The following IGSF9B variants were observed in gnomAD, a reference collection of about 807,000 sequenced individuals.
The protein encoded by IGSF9B is immunoglobulin superfamily member 9B.
IGSF9B carries 48 observed loss-of-function variants against 143.7 expected under a neutral mutation model. The observed-to-expected ratio is 0.33, with a 90% CI of 0.26 to 0.42. IGSF9B has a LOEUF of 0.42. Ranked by LOEUF, IGSF9B falls within the 20% of genes least tolerant of loss-of-function variation. The pLI, the probability that IGSF9B is intolerant of heterozygous loss-of-function variation, is 1.00. For synonymous variants in IGSF9B, 903 were observed against 833.1 expected (o/e 1.08, Z -1.44); for missense variants, 1,706 against 1,980.0 (o/e 0.86, Z 2.63).
chr11:133,936,430 C>T (rs957054667), intron 5 of IGSF9B, among the ~76,000 whole-genome samples: 2 of 152,054 alleles, frequency 1.3e-5, no homozygotes, highest in Non-Finnish European at 2.9e-5. Flanking sequence ...TGCCTGCCTT[C>T]TCCCAGCAGA....
Position 133,931,448 on chromosome 11 carries a change from G to A in IGSF9B, c.1368+5C>T, listed in dbSNP as rs752608935. ...TGCAGACCCAGGGCTCCAGGGCCCAGGTACCTTTCTCCAAGTGATGACAGG... is the reference window on the plus strand; with the variant it reads ...TGCAGACCCAGGGCTCCAGGGCCCAAGTACCTTTCTCCAAGTGATGACAGG... On this transcript the variant is annotated splice_donor_5th_base_variant and intron_variant, in intron 10 of 19. Coordinates refer to ENST00000533871, the MANE Select transcript of IGSF9B (RefSeq NM_001277285.4). The surrounding 1 kb of genome is among the most constrained non-coding windows in gnomAD (Gnocchi z 7.7). The A allele has an allele frequency of 4.4e-6, 7 of 1,604,092 alleles. No homozygotes were observed. The highest frequency in any genetic ancestry group is 1.7e-4 in the Middle Eastern group (1 of 6,032).
intron 18 of IGSF9B, among the ~76,000 whole-genome samples, chr11:133,912,982 A>T (rs946459994): frequency 5.3e-5 from 8 of 152,172 alleles, no homozygotes; most frequent in African/African-American, 1.9e-4. Context: ...TATTGGAGAG[A>T]ATCTTTCAAG....
Position 133,939,711 on chromosome 11 carries a change from C to T in IGSF9B, c.410-1750G>A, listed in dbSNP as rs1006098285. Among the ~76,000 whole-genome samples, 17 of 152,150 alleles carry T rather than the reference C, an allele frequency of 1.1e-4. 1 individual carries two copies. In the East Asian group the frequency reaches 2.3e-3, roughly 21 times the overall value. On this transcript the variant is annotated intron_variant, in intron 3 of 19. Transcript: ENST00000533871. ...GCCACTGAATGAATGCAGGAGCACA[C>T]GTCATCACATGCAAAAACACGCACC... is the stretch of plus-strand genomic sequence containing the variant.
intron 1 of IGSF9B, among the ~76,000 whole-genome samples, chr11:133,951,397 A>G (rs1362543019): frequency 6.6e-6 from 1 of 152,114 alleles, no homozygotes; most frequent in Non-Finnish European, 1.5e-5. Context: ...TTCGGAAGCC[A>G]CGGGTCAGGG....
Position 133,956,941 on chromosome 11 carries a change from C to A in IGSF9B, c.-187G>T. 2.6e-6 allele frequency: 1 copy of A among 382,234 alleles called. No individual in the cohort carries two copies. Among genetic ancestry groups the A allele is most frequent in the Non-Finnish European group, 4.7e-6 (1 of 213,444 alleles). The allele number at this position is 382,234 out of a possible 1,614,324, so 23.7% of individuals were successfully genotyped here. On this transcript the variant is annotated 5_prime_UTR_variant, in exon 1 of 20. Transcript: ENST00000533871. Reference sequence around the variant, plus strand: ...TCCGCTCGGCTCGGCGCGCGCCTCCCCGGCCCCGGCGCAGCGGCACCTGCA... The same window carrying A: ...TCCGCTCGGCTCGGCGCGCGCCTCCACGGCCCCGGCGCAGCGGCACCTGCA...
At chr11:133,936,256 C>A (rs1939821166) in intron 5 of IGSF9B, 62 bp from the exon 6 acceptor site, 2 of 1,508,066 alleles carry the variant, frequency 1.3e-6, no homozygotes, top group African/African-American at 1.4e-5. Flanking sequence ...GCACCCAGGC[C>A]TCCTGGGAGC....
intron 7 of IGSF9B, 105 bp from the exon 8 acceptor site, chr11:133,932,318 AG>A: frequency 8.1e-7 from 1 of 1,241,048 alleles, no homozygotes; most frequent in Middle Eastern, 2.7e-4. Flanking sequence ...GACACAGGGA[AG>A]CCAGGTGGGA....
rs201329176 is a variant in IGSF9B at position 133,920,070 on chromosome 11, C to G, written c.3655G>C (p.Ala1219Pro). The G allele has an allele frequency of 3.2e-6, 5 of 1,540,600 alleles. No individual in the cohort carries two copies. Among genetic ancestry groups the G allele is most frequent in the South Asian group, 1.2e-5 (1 of 80,128 alleles). The change falls in exon 18 of 20, where the codon GCC becomes CCC. Residue 1219 changes from alanine to proline, a missense_variant. Ala to Pro is a conservative substitution (Grantham distance 27, BLOSUM62 -1). Transcript: ENST00000533871. Reference protein sequence around the residue: ...LSSRTGSPELAARARPRPGLL... With the variant: ...LSSRTGSPELPARARPRPGLL... ...CCCGGGCGAGGCCGGGCACGGGCGG[C>G]GAGCTCAGGGGAGCCGGTGCGGGAG... is the stretch of plus-strand genomic sequence containing the variant.
At chr11:133,940,742 A>G (rs922472231) in intron 3 of IGSF9B, among the ~76,000 whole-genome samples, 2 of 151,556 alleles carry the variant, frequency 1.3e-5, no homozygotes, top group Non-Finnish European at 2.9e-5. Flanking sequence ...ATACAGAAAC[A>G]TACACCTTGC....
intron 3 of IGSF9B, among the ~76,000 whole-genome samples, chr11:133,941,935 C>A (rs1298591532): frequency 6.6e-6 from 1 of 152,182 alleles, no homozygotes; most frequent in African/African-American, 2.4e-5. Context: ...CTCCCAAAGC[C>A]ATATGGCAGT....
Position 133,909,092 on chromosome 11 carries a change from G to A in IGSF9B, c.4291C>T (p.Pro1431Ser), listed in dbSNP as rs1193882499. ...AILNSVDHDD[P>S]GHATLL ...AGTCACAGCAAAGTGGCATGTCCTGGGTCATCGTGGTCCACACTGTTGAGA... is the reference window on the plus strand; with the variant it reads ...AGTCACAGCAAAGTGGCATGTCCTGAGTCATCGTGGTCCACACTGTTGAGA... Residue 1431 changes from proline to serine, a missense_variant, in exon 20 of 20, where the codon CCA (proline) becomes TCA (serine). This residue lies in a region of IGSF9B where 12 missense variants were observed against 29.6 expected (regional missense o/e 0.41). Coordinates refer to ENST00000533871, the MANE Select transcript of IGSF9B (RefSeq NM_001277285.4). This position sits in a 1 kb window ranked among gnomAD's most constrained non-coding sequence, Gnocchi z 4.2. 16 of 1,535,894 alleles carry A rather than the reference G, an allele frequency of 1.0e-5. No homozygotes were observed. In the Admixed American group the frequency reaches 2.7e-4, roughly 26 times the overall value.
At position 133,903,677 on chromosome 11, in the gene IGSF9B, T is replaced by G. The variant is rs1279156858; in HGVS notation, c.*5392A>C. Among the ~76,000 whole-genome samples, 5 of 152,190 alleles carry G rather than the reference T, an allele frequency of 3.3e-5. No homozygotes were observed. The highest frequency in any genetic ancestry group is 7.3e-5 in the Non-Finnish European group (5 of 68,032). On this transcript the variant is annotated 3_prime_UTR_variant, in exon 20 of 20. Coordinates refer to ENST00000533871, the MANE Select transcript of IGSF9B (RefSeq NM_001277285.4). The stretch of plus-strand genomic sequence containing the variant: ...TTTTTCTAACAGCTTAAAATGAGGT[T>G]GAAAAAAACTTCCACCTTCTCGGCA...
Position 133,932,233 on chromosome 11 carries a change from G to A in IGSF9B, c.968-20C>T. 1.3e-6 allele frequency: 2 copies of A among 1,545,780 alleles called. No individual in the cohort carries two copies. The highest frequency in any genetic ancestry group is 2.4e-5 in the East Asian group (1 of 40,830). On this transcript the variant is annotated intron_variant, in intron 7 of 19. Transcript: ENST00000533871. ...CTGGGTCTGCATAGAGGAAGCGCAG[G>A]TGAGAGAGCAGACAGACAGACACAG...
chr11:133,935,465 C>A (rs1381721062), intron 7 of IGSF9B, among the ~76,000 whole-genome samples, 152 bp downstream of exon 7: 1 of 152,234 alleles, frequency 6.6e-6, no homozygotes, highest in Non-Finnish European at 1.5e-5. Flanking sequence ...TCGGCCTCCT[C>A]TCCAGCCATC....
Position 133,907,260 on chromosome 11 carries a change from G to A in IGSF9B, c.*1809C>T, listed in dbSNP as rs542256482. 3.3e-5 allele frequency among the ~76,000 whole-genome samples: 5 copies of A among 152,334 alleles called. No homozygotes were observed. The highest frequency in any genetic ancestry group is 4.1e-4 in the South Asian group (2 of 4,828). On this transcript the variant is annotated 3_prime_UTR_variant, in exon 20 of 20. Transcript: ENST00000533871. The stretch of plus-strand genomic sequence containing the variant: ...GGTGAAAGGAAGGACCAGGGCCGGT[G>A]TGGCACAGAAGAAGTCCATCCCCTA...
intron 12 of IGSF9B, among the ~76,000 whole-genome samples, 158 bp downstream of exon 12, chr11:133,929,513 C>T (rs10894763): frequency 0.16 from 24,684 of 152,158 alleles, 2,680 homozygotes; most frequent in East Asian, 0.53. Context: ...CCACAAGGAC[C>T]TCATCACTGT....
At position 133,920,684 on chromosome 11, in the gene IGSF9B, T is replaced by C. The variant is rs746108822; in HGVS notation, c.3041A>G (p.Glu1014Gly). Residue 1014 changes from glutamate (E) to glycine (G), a missense_variant, in exon 18 of 20, where the codon GAG (glutamate) becomes GGG (glycine). By Grantham distance (98) the Glu-to-Gly change is moderately conservative (BLOSUM62 -2). Coordinates refer to ENST00000533871, the MANE Select transcript of IGSF9B (RefSeq NM_001277285.4). Reference protein sequence around the residue: ...EGPFGHPTIPEENGENASNST... With the variant: ...EGPFGHPTIPGENGENASNST... ...GTTGGATGCATTCTCTCCATTCTCC[T>C]CGGGGATGGTGGGGTGGCCAAAGGG... 1 of 1,613,050 alleles carries C rather than the reference T, an allele frequency of 6.2e-7. No homozygotes were observed. The highest frequency in any genetic ancestry group is 1.1e-5 in the South Asian group (1 of 91,072).
In IGSF9B at chr11:133,920,449, C is replaced by T. The variant is rs748370176; in HGVS notation, c.3276G>A (p.Pro1092=). Residue 1092 remains proline (P), a synonymous_variant, in exon 18 of 20, where the codon CCG becomes CCA. Transcript: ENST00000533871. ...PTSLQVPAAY[P]GILSLEAPKG... ...TCGGTGCCTCCAGAGACAGGATGCCCGGGTAGGCCGCGGGCACCTGCAGGG... is the reference window on the plus strand; with the variant it reads ...TCGGTGCCTCCAGAGACAGGATGCCTGGGTAGGCCGCGGGCACCTGCAGGG... The T allele has an allele frequency of 8.9e-6, 14 of 1,567,198 alleles. No individual in the cohort carries two copies. The South Asian group carries it at 1.3e-4, about 14-fold the overall frequency.
At chr11:133,924,471 C>T (rs1007078741) in intron 15 of IGSF9B, among the ~76,000 whole-genome samples, 8 of 152,148 alleles carry the variant, frequency 5.3e-5, no homozygotes, top group African/African-American at 1.9e-4. Flanking sequence ...TTGTTTCCTC[C>T]GATTCACAGC....
Sources: gnomAD v4.1 joint callset for allele counts (sites outside exome capture counted in the v4.1 genomes callset) on GRCh38, gnomAD v4.1.1 for gene constraint, gnomAD v4.1.1 regional missense constraint, Gnocchi (gnomAD v3.1) non-coding constraint, MANE v1.5 for transcripts, NCBI Gene and HGNC (gene_info 2026-07-23, HGNC 2026-07-21) for gene names.